The following DAB1 variants were observed in gnomAD, a reference collection of about 807,000 sequenced individuals.
DAB1 encodes the protein disabled homolog 1.
A neutral mutation model predicts 64.6 loss-of-function variants in DAB1; 15 were observed. That is an observed-to-expected ratio of 0.23 (90% CI 0.16 to 0.36). The LOEUF is 0.36. DAB1 is among the 10% of genes least tolerant of loss of function. The probability of loss-of-function intolerance (pLI) is 1.00; values close to 1 mark genes in which losing one functional copy is unlikely to be tolerated. For missense variants in DAB1, 596 were observed against 706.7 expected (o/e 0.84, Z 1.78); for synonymous variants, 235 against 251.9 (o/e 0.93, Z 0.64).
chr1:58,385,012 C>T (rs1644421359), intron 3 of DAB1, among the ~76,000 whole-genome samples: 1 of 152,200 alleles, frequency 6.6e-6, no homozygotes, highest in Non-Finnish European at 1.5e-5. Flanking sequence ...TATTTTGCAT[C>T]CTTCAATCCA....
chr1:57,296,651 G>T (rs529987408), intron 1 of DAB1, among the ~76,000 whole-genome samples: 37 of 152,210 alleles, frequency 2.4e-4, no homozygotes, highest in African/African-American at 8.9e-4. Flanking sequence ...ATATAATTAA[G>T]GATGGTAATA....
chr1:57,197,370 C>A (rs1286451907), intron 2 of DAB1, among the ~76,000 whole-genome samples: 1 of 150,790 alleles, frequency 6.6e-6, no homozygotes, highest in Admixed American at 6.6e-5. Context: ...AAAGAAAGTT[C>A]AAAAACTTGA....
rs967108298 is a variant in DAB1 at position 58,056,066 on chromosome 1, A to C, written n.387+94445T>G. On this transcript the variant is annotated intron_variant and non_coding_transcript_variant, in intron 5 of 20. Transcript: ENST00000485760. ...TGTGCATTCTTTTTTTTTTTTTTTT[A>C]AGTACAATTTCCATTTTATTTTTCT... 1.5e-5 allele frequency: 12 copies of C among 796,170 alleles called. No individual in the cohort carries two copies. The African/African-American group carries it at 1.7e-4, about 12-fold the overall frequency. 49.3% of individuals were successfully genotyped at this position (796,170 alleles called of 1,614,324 possible). A position where few individuals can be genotyped will look rare whatever the true frequency, so the allele number is the denominator to read the frequency against.
chr1:57,187,373 A>G (rs1328310291), intron 2 of DAB1, among the ~76,000 whole-genome samples: 2 of 152,196 alleles, frequency 1.3e-5, no homozygotes, highest in African/African-American at 2.4e-5. Flanking sequence ...CACATCATCT[A>G]TGTAACAAGG....
At chr1:58,359,067 GA>G (rs1644139282) in intron 3 of DAB1, among the ~76,000 whole-genome samples, 1 of 151,932 alleles carries the variant, frequency 6.6e-6, no homozygotes, top group African/African-American at 2.4e-5. Flanking sequence ...AGGGTAGAAA[GA>G]GGAGAGGATA....
At chr1:57,309,169 G>C (rs965269195) in intron 1 of DAB1, among the ~76,000 whole-genome samples, 6 of 152,164 alleles carry the variant, frequency 3.9e-5, no homozygotes, top group Non-Finnish European at 7.3e-5. Flanking sequence ...CCCTGGCCTA[G>C]AGTCTTTACT....
chr1:57,704,229 A>G lies in DAB1; in HGVS notation n.552-54564T>C, dbSNP rs191004223. On this transcript the variant is annotated intron_variant and non_coding_transcript_variant, in intron 6 of 20. Coordinates refer to the DAB1 transcript ENST00000485760. Reference sequence around the variant, plus strand: ...AATCCAGATTCCTGGCTTCTAAAAAATTGGATGATTTTGTCAAAACTAGAC... The same window carrying G: ...AATCCAGATTCCTGGCTTCTAAAAAGTTGGATGATTTTGTCAAAACTAGAC... Among the ~76,000 whole-genome samples, 5 of 152,290 alleles carry G rather than the reference A, an allele frequency of 3.3e-5. No individual in the cohort carries two copies. The East Asian group carries it at 5.8e-4, about 18-fold the overall frequency.
chr1:57,176,451 C>T (rs1324778110), intron 2 of DAB1, among the ~76,000 whole-genome samples: 3 of 151,954 alleles, frequency 2.0e-5, no homozygotes, highest in Non-Finnish European at 2.9e-5. Flanking sequence ...AAAGACCCGC[C>T]CCCCACAATT....
intron 7 of DAB1, chr1:57,606,122 C>T (rs1645633189): frequency 7.2e-6 from 3 of 417,312 alleles, no homozygotes; most frequent in South Asian, 4.6e-5. Flanking sequence ...TGGGATTTTA[C>T]ACTGCAGCTC....
At chr1:57,836,643 A>G (rs1014888555) in intron 1 of DAB1, among the ~76,000 whole-genome samples, 1 of 152,242 alleles carries the variant, frequency 6.6e-6, no homozygotes, top group Admixed American at 6.5e-5. Flanking sequence ...CTCATTCGGC[A>G]TCCGCCATCT....
At chr1:57,845,166 G>T (rs1168922659) in intron 1 of DAB1, among the ~76,000 whole-genome samples, 3 of 152,154 alleles carry the variant, frequency 2.0e-5, no homozygotes, top group Non-Finnish European at 4.4e-5. Flanking sequence ...ATCTGAATGA[G>T]GAATCCACTT....
intron 7 of DAB1, among the ~76,000 whole-genome samples, chr1:57,554,396 A>G (rs1391053644): frequency 6.6e-6 from 1 of 152,242 alleles, no homozygotes; most frequent in African/African-American, 2.4e-5. Flanking sequence ...GCAGGTGATC[A>G]TGAAGATTCT....
At chr1:57,245,572 G>T (rs1275607659) in intron 2 of DAB1, among the ~76,000 whole-genome samples, 5 of 152,068 alleles carry the variant, frequency 3.3e-5, no homozygotes, top group African/African-American at 1.2e-4. Flanking sequence ...GAGAATGATG[G>T]TTTCCAGCTT....
chr1:57,023,097 TTCCC>T, intron 11 of DAB1, among the ~76,000 whole-genome samples: 1 of 152,248 alleles, frequency 6.6e-6, no homozygotes, highest in South Asian at 2.1e-4. Flanking sequence ...TCTGGGGACC[TTCCC>T]TTTCCTTGAG....
At chr1:57,001,045 G>A (rs1228703828) in intron 14 of DAB1, among the ~76,000 whole-genome samples, 3 of 152,248 alleles carry the variant, frequency 2.0e-5, no homozygotes, top group Non-Finnish European at 4.4e-5. Flanking sequence ...GCAGTGGTGT[G>A]GAAAACCCCC....
chr1:57,815,581 T>G (rs1435549064), intron 6 of DAB1, among the ~76,000 whole-genome samples: 3 of 151,928 alleles, frequency 2.0e-5, no homozygotes, highest in African/African-American at 7.3e-5. Flanking sequence ...AAGAGCTTTG[T>G]AAAATGTAAA....
At chr1:57,611,017 T>C (rs560589109) in intron 7 of DAB1, among the ~76,000 whole-genome samples, 5 of 152,332 alleles carry the variant, frequency 3.3e-5, no homozygotes, top group East Asian at 1.9e-4. Context: ...GGAAGGCAGA[T>C]GCTTATCTAG....
intron 3 of DAB1, among the ~76,000 whole-genome samples, chr1:58,488,209 T>C (rs916755613): frequency 6.6e-6 from 1 of 152,216 alleles, no homozygotes; most frequent in African/African-American, 2.4e-5. Flanking sequence ...TAGATTTCTC[T>C]TTTGCTTTAC....
At chr1:57,124,358 G>A (rs1315915864) in intron 4 of DAB1, among the ~76,000 whole-genome samples, 1 of 152,022 alleles carries the variant, frequency 6.6e-6, no homozygotes. Flanking sequence ...ATATCATACA[G>A]CACAGTCAGA....
Sources: gnomAD v4.1 joint callset for allele counts (sites outside exome capture counted in the v4.1 genomes callset) on GRCh38, gnomAD v4.1.1 for gene constraint, MANE v1.5 for transcripts, NCBI Gene and HGNC (gene_info 2026-07-23, HGNC 2026-07-21) for gene names.